Variants in ELMO1 observed in about 807,000 individuals in gnomAD.
ELMO1 encodes the protein engulfment and cell motility 1, also known as engulfment and cell motility protein 1.
Under a neutral mutation model 98.9 loss-of-function variants are expected in ELMO1, and 26 were observed. The observed-to-expected ratio is 0.26, with a 90% confidence interval of 0.19 to 0.36. The LOEUF (loss-of-function observed/expected upper bound fraction) is 0.36, where lower values mean the gene tolerates loss of function less well. ELMO1 is among the 10% of genes least tolerant of loss of function. The pLI, the probability that ELMO1 is intolerant of heterozygous loss-of-function variation, is 1.00. For synonymous variants in ELMO1, 346 were observed against 346.0 expected, an observed-to-expected ratio of 1.00 and a Z score of 0.00; for missense variants, 627 against 935.2, an observed-to-expected ratio of 0.67 and a Z score of 4.30.
intron 14 of ELMO1, among the ~76,000 whole-genome samples, chr7:37,132,416 G>A (rs1222800989): frequency 1.3e-5 from 2 of 152,090 alleles, no homozygotes; most frequent in Non-Finnish European, 2.9e-5. Context: ...ACCTCATCCT[G>A]ACTGAATCTG....
chr7:37,426,986 C>T (rs1804735953), intron 1 of ELMO1, among the ~76,000 whole-genome samples: 2 of 151,724 alleles, frequency 1.3e-5, no homozygotes, highest in South Asian at 2.1e-4. Context: ...ATCCAAGATC[C>T]TTCTGCTAAA....
Position 37,158,763 on chromosome 7 carries a change from A to G in ELMO1, c.1087-25529T>C, listed in dbSNP as rs552541590. 6.6e-3 allele frequency among the ~76,000 whole-genome samples: 1,010 copies of G among 152,336 alleles called. 6 individuals are homozygous for G. The highest frequency in any genetic ancestry group is 0.011 in the Non-Finnish European group (717 of 68,030). On this transcript the variant is annotated intron_variant, in intron 13 of 21. Coordinates refer to ENST00000310758, the MANE Select transcript of ELMO1 (RefSeq NM_014800.11). ...CAGTGTGGCGATTCCTCAAGAATCT[A>G]GAACTAGAAATACCATTTGACCCAG... is the stretch of plus-strand genomic sequence containing the variant.
chr7:37,155,503 A>AAAAAAAAAAAAAATAAAT (rs61189239), intron 13 of ELMO1, among the ~76,000 whole-genome samples: 1 of 131,738 alleles, frequency 7.6e-6, no homozygotes, highest in Non-Finnish European at 1.6e-5. Context: ...AAAAAAAAAA[A>AAAAAAAAAAAAAATAAAT]AAAAAGCAGG....
chr7:37,210,311 C>T (rs1280832014), intron 13 of ELMO1, among the ~76,000 whole-genome samples: 1 of 151,878 alleles, frequency 6.6e-6, no homozygotes, highest in Non-Finnish European at 1.5e-5. Context: ...AGTAAAAGGG[C>T]TTGGTTAAAT....
At chr7:37,148,878 G>A (rs1026919719) in intron 13 of ELMO1, among the ~76,000 whole-genome samples, 33 of 152,154 alleles carry the variant, frequency 2.2e-4, no homozygotes, top group African/African-American at 7.2e-4. Flanking sequence ...TACATGTCAT[G>A]TACAGTAGGC....
chr7:37,417,034 C>T (rs919371007), intron 1 of ELMO1, among the ~76,000 whole-genome samples: 8 of 152,156 alleles, frequency 5.3e-5, no homozygotes, highest in African/African-American at 7.2e-5. Flanking sequence ...TTTCTATGAG[C>T]GTGATACTCT....
chr7:37,337,714 T>C (rs1800497639), intron 2 of ELMO1, among the ~76,000 whole-genome samples: 1 of 152,196 alleles, frequency 6.6e-6, no homozygotes, highest in African/African-American at 2.4e-5. Context: ...CGAGAAGTTC[T>C]AGGCAAAGAC....
intron 1 of ELMO1, among the ~76,000 whole-genome samples, chr7:37,396,890 C>A (rs1803322509): frequency 6.6e-6 from 1 of 152,150 alleles, no homozygotes; most frequent in Non-Finnish European, 1.5e-5. Flanking sequence ...ACATGAAATT[C>A]CATAGGACAT....
intron 13 of ELMO1, among the ~76,000 whole-genome samples, chr7:37,166,648 T>C (rs572260649): frequency 2.8e-4 from 43 of 152,338 alleles, no homozygotes; most frequent in African/African-American, 8.7e-4. Context: ...TTGAGCGTTT[T>C]TGAGTGAGTT....
At chr7:37,400,106 C>A (rs1279590245) in intron 1 of ELMO1, among the ~76,000 whole-genome samples, 1 of 152,162 alleles carries the variant, frequency 6.6e-6, no homozygotes, top group Non-Finnish European at 1.5e-5. Flanking sequence ...GTCTTCACAG[C>A]AAAATGGGAT....
chr7:36,936,455 T>A (rs571907611), intron 16 of ELMO1, among the ~76,000 whole-genome samples: 27 of 152,220 alleles, frequency 1.8e-4, no homozygotes, highest in African/African-American at 6.3e-4. Flanking sequence ...CTTCTCTCGA[T>A]TTTTTAGTTT....
At chr7:37,212,391 T>G (rs1031453861) in intron 12 of ELMO1, among the ~76,000 whole-genome samples, 4 of 152,220 alleles carry the variant, frequency 2.6e-5, no homozygotes, top group African/African-American at 9.6e-5. Flanking sequence ...CTTTCTGTTA[T>G]ACATATCCCA....
chr7:37,288,716 G>A (rs1389319289), intron 4 of ELMO1, among the ~76,000 whole-genome samples: 1 of 152,202 alleles, frequency 6.6e-6, no homozygotes, highest in Non-Finnish European at 1.5e-5. Context: ...GACTGCCTTA[G>A]TGTATAAGTT....
intron 4 of ELMO1, among the ~76,000 whole-genome samples, chr7:37,301,531 C>T (rs1006146197): frequency 6.6e-6 from 1 of 152,066 alleles, no homozygotes; most frequent in South Asian, 2.1e-4. Flanking sequence ...TTCCCAGAGA[C>T]AGTAAAGAGC....
chr7:37,308,143 T>G (rs540874123), intron 4 of ELMO1, among the ~76,000 whole-genome samples: 48 of 152,084 alleles, frequency 3.2e-4, no homozygotes, highest in Non-Finnish European at 6.0e-4. Flanking sequence ...AATTAAAAAA[T>G]AAAACACCCA....
intron 13 of ELMO1, among the ~76,000 whole-genome samples, chr7:37,161,734 T>C (rs1239820820): frequency 6.6e-6 from 1 of 150,676 alleles, no homozygotes; most frequent in East Asian, 2.0e-4. Context: ...CTAAACCACT[T>C]CAAGTATGAA....
intron 15 of ELMO1, among the ~76,000 whole-genome samples, chr7:37,072,253 C>A (rs1797314836): frequency 6.6e-6 from 1 of 152,124 alleles, no homozygotes; most frequent in East Asian, 1.9e-4. Flanking sequence ...CCCCACAATT[C>A]CCGCGTGTTG....
intron 1 of ELMO1, among the ~76,000 whole-genome samples, chr7:37,440,060 G>C (rs115640852): frequency 5.9e-5 from 9 of 151,494 alleles, no homozygotes; most frequent in African/African-American, 1.9e-4. Flanking sequence ...TCAAAGAATC[G>C]GTCCCACTCC....
At chr7:37,094,511 C>T (rs968197674) in intron 15 of ELMO1, among the ~76,000 whole-genome samples, 1 of 152,116 alleles carries the variant, frequency 6.6e-6, no homozygotes, top group Non-Finnish European at 1.5e-5. Flanking sequence ...ACAAAATGAA[C>T]ATTCACCTGA....
Sources: allele counts gnomAD v4.1 joint callset (sites outside exome capture counted in the v4.1 genomes callset), GRCh38; gene constraint gnomAD v4.1.1; transcripts MANE v1.5; gene names NCBI Gene and HGNC (gene_info 2026-07-23, HGNC 2026-07-21).